MRS2: variants seen among roughly 807,000 people sequenced by gnomAD.
MRS2 encodes the protein magnesium transporter MRS2.
A neutral mutation model predicts 52.6 loss-of-function variants in MRS2; 40 were observed. The observed-to-expected ratio is 0.76, with a 90% CI of 0.59 to 0.99. The LOEUF is 0.99. Among genes scored for constraint, MRS2 ranks in the 50% least tolerant of loss-of-function variants. The probability of loss-of-function intolerance (pLI) is 0.00; values close to 1 mark genes in which losing one functional copy is unlikely to be tolerated. For missense variants in MRS2, 472 were observed against 532.7 expected (o/e 0.89, Z 1.12); for synonymous variants, 193 against 195.9 (o/e 0.98, Z 0.13).
intron 9 of MRS2, among the ~76,000 whole-genome samples, chr6:24,419,769 C>T (rs1761980201): frequency 6.6e-6 from 1 of 152,214 alleles, no homozygotes; most frequent in African/African-American, 2.4e-5. Context: ...TACAGGATCC[C>T]CACAGATACC....
chr6:24,412,355 C>T lies in MRS2; in HGVS notation c.548C>T (p.Pro183Leu). The T allele has an allele frequency of 3.1e-6, 5 of 1,592,476 alleles. No homozygotes were observed. Among genetic ancestry groups the T allele is most frequent in the Non-Finnish European group, 4.3e-6 (5 of 1,171,152 alleles). The change falls in exon 5 of 11, where the codon CCT (proline) becomes CTT (leucine). Residue 183 changes from proline (P) to leucine (L), a missense_variant. Physicochemically the swap from Pro to Leu is moderately conservative, Grantham distance 98. Transcript: ENST00000378386. The part of the protein sequence containing the change: ...GEGQLVTYPL[P>L]FEFRAIEALL... ...GGTCAACTCGTTACATACCCTTTACCTTTTGAGTTTAGAGCTATAGAAGCA... is the reference window on the plus strand; with the variant it reads ...GGTCAACTCGTTACATACCCTTTACTTTTTGAGTTTAGAGCTATAGAAGCA...
At position 24,416,381 on chromosome 6, in the gene MRS2, T is replaced by C; in HGVS notation, c.720-16T>C. On this transcript the variant is annotated splice_polypyrimidine_tract_variant and intron_variant, in intron 6 of 10. Transcript: ENST00000378386. The stretch of plus-strand genomic sequence containing the variant: ...GTTTATTCTATTGATCATTTTTGTG[T>C]ATCTATTTCTTATAGTCTATCAGAG... 1 of 976,940 alleles carries C rather than the reference T, an allele frequency of 1.0e-6. No individual in the cohort carries two copies. Among genetic ancestry groups the C allele is most frequent in the Non-Finnish European group, 1.6e-6 (1 of 615,870 alleles). 60.5% of individuals were successfully genotyped at this position (976,940 alleles called of 1,614,324 possible).
rs1581700693 is a variant in MRS2, at chr6:24,412,249, T to G, written c.442T>G (p.Cys148Gly). 6.3e-7 allele frequency: 1 copy of G among 1,584,636 alleles called. No individual in the cohort carries two copies. Among genetic ancestry groups the G allele is most frequent in the Non-Finnish European group, 8.5e-7 (1 of 1,169,852 alleles). The change falls in exon 5 of 11, where the codon TGT becomes GGT. Residue 148 changes from cysteine (C) to glycine (G), a missense_variant. By Grantham distance (159) the Cys-to-Gly change is radical (BLOSUM62 -3). Transcript: ENST00000378386. ...TTTGAAAGCTGTGATAACTCCAGAG[T>G]GTCTTCTGATATTAGATTATCGTAA... ...EYLKAVITPE[C>G]LLILDYRNLN...
chr6:24,406,268 T>G (rs1175288967), intron 2 of MRS2, among the ~76,000 whole-genome samples: 1 of 152,194 alleles, frequency 6.6e-6, no homozygotes, highest in African/African-American at 2.4e-5. Flanking sequence ...ATAGAATTGT[T>G]ATGAGGATTA....
intron 2 of MRS2, among the ~76,000 whole-genome samples, chr6:24,407,208 A>G (rs1175765181): frequency 6.6e-6 from 1 of 151,992 alleles, no homozygotes; most frequent in African/African-American, 2.4e-5. Flanking sequence ...TTTATTTTCA[A>G]ATTTTCTGCA....
chr6:24,403,320 G>A, intron 1 of MRS2, 84 bp downstream of exon 1: 1 of 1,340,124 alleles, frequency 7.5e-7, no homozygotes. Flanking sequence ...GGCGCGGCGC[G>A]CCTGTTGCTC....
chr6:24,416,514 G>GT lies in MRS2; in HGVS notation c.836+2dup, dbSNP rs762861414. ...CAAAATGGAGTGACCCACAAGTCTT[G>GT]TAAGTATATAATTATACTTTGTTAT... On this transcript the variant is annotated splice_donor_variant, in intron 7 of 10. Coordinates refer to ENST00000378386, the MANE Select transcript of MRS2 (RefSeq NM_020662.4). LOFTEE classifies it high-confidence loss of function. 12 of 1,383,562 alleles carry GT rather than the reference G, an allele frequency of 8.7e-6. No individual in the cohort carries two copies. The Admixed American group carries it at 2.0e-4, about 23-fold the overall frequency. The allele number at this position is 1,383,562 out of a possible 1,614,324, so 85.7% of individuals were successfully genotyped here.
At position 24,418,706 on chromosome 6, in the gene MRS2, C is replaced by G. The variant is rs550544668; in HGVS notation, c.1107+128C>G. 2.2e-3 allele frequency: 1,515 copies of G among 689,088 alleles called. 34 individuals carry two copies. In the South Asian group the frequency reaches 0.024, roughly 11 times the overall value. 42.7% of individuals were successfully genotyped at this position (689,088 alleles called of 1,614,324 possible). On this transcript the variant is annotated intron_variant, in intron 9 of 10. Coordinates refer to ENST00000378386, the MANE Select transcript of MRS2 (RefSeq NM_020662.4). ...CTGAGGTCAGGAGTTTGAGACCAAC[C>G]TGGCCAACATGGCGAAACCCTGTCT...
At chr6:24,407,856 C>T (rs2127283624) in intron 2 of MRS2, among the ~76,000 whole-genome samples, 3 of 152,238 alleles carry the variant, frequency 2.0e-5, no homozygotes, top group Admixed American at 2.0e-4. Context: ...AGTGATCGCT[C>T]AGTGACAAGG....
rs751550850 is a variant in MRS2, at chr6:24,423,610, T to C, written c.1248T>C (p.Leu416=). 1.9e-6 allele frequency: 3 copies of C among 1,609,826 alleles called. No homozygotes were observed. In the Admixed American group the frequency reaches 5.0e-5, roughly 27 times the overall value. The change falls in exon 11 of 11, where the codon CTT becomes CTC. Residue 416 remains leucine, a synonymous_variant. Coordinates refer to ENST00000378386, the MANE Select transcript of MRS2 (RefSeq NM_020662.4). The stretch of plus-strand genomic sequence containing the variant: ...TGGCTTCTTTACCTAAAAAGACTCT[T>C]CTGGCAGATAGAAGCATGGAATTGA... The part of the protein sequence containing the change: ...PMMASLPKKT[L]LADRSMELKN...
At chr6:24,421,049 C>G (rs1476769363) in intron 9 of MRS2, among the ~76,000 whole-genome samples, 4 of 152,180 alleles carry the variant, frequency 2.6e-5, no homozygotes, top group African/African-American at 9.7e-5. Context: ...AAAGATACAT[C>G]CAAAGACCTT....
chr6:24,406,151 A>C (rs867223311), intron 2 of MRS2, among the ~76,000 whole-genome samples: 1 of 151,766 alleles, frequency 6.6e-6, no homozygotes, highest in South Asian at 2.1e-4. Context: ...AGACTTCCTA[A>C]ATTCCAATCT....
intron 3 of MRS2, among the ~76,000 whole-genome samples, chr6:24,409,062 C>G (rs774196724): frequency 1.3e-5 from 2 of 152,140 alleles, no homozygotes; most frequent in Non-Finnish European, 2.9e-5. Context: ...CAAAGAAAAT[C>G]AAGCTTATCT....
intron 7 of MRS2, 102 bp from the exon 8 acceptor site, chr6:24,417,982 C>A: frequency 1.1e-6 from 1 of 878,202 alleles, no homozygotes; most frequent in Admixed American, 2.8e-5. Flanking sequence ...CTAGCTTTTC[C>A]ACTGGTAGCT....
In MRS2 at chr6:24,423,887, G is replaced by C. The variant is rs1762140321; in HGVS notation, c.*193G>C. ...TCTGAGTTAAAGAAACAAAGTATTT[G>C]CTTTGTAAAAGGCCAAAATTCTATT... On this transcript the variant is annotated 3_prime_UTR_variant, in exon 11 of 11. Transcript: ENST00000378386. 3.0e-6 allele frequency: 1 copy of C among 335,006 alleles called. No homozygotes were observed. The highest frequency in any genetic ancestry group is 4.4e-5 in the Admixed American group (1 of 22,942). The allele number at this position is 335,006 out of a possible 1,614,324, so 20.8% of individuals were successfully genotyped here.
intron 1 of MRS2, among the ~76,000 whole-genome samples, chr6:24,404,209 A>G (rs1359462615): frequency 6.6e-6 from 1 of 152,124 alleles, no homozygotes; most frequent in African/African-American, 2.4e-5. Context: ...CTCAATTGAT[A>G]ATGCTTGGGA....
At chr6:24,412,476 T>C (rs998911430) in intron 5 of MRS2, 81 bp downstream of exon 5, 1 of 1,162,896 alleles carries the variant, frequency 8.6e-7, no homozygotes, top group East Asian at 2.5e-5. Context: ...TGGGGTATTG[T>C]TTCAATGGCA....
chr6:24,411,729 G>A (rs1761660713), intron 4 of MRS2, among the ~76,000 whole-genome samples: 1 of 152,026 alleles, frequency 6.6e-6, no homozygotes, highest in Admixed American at 6.6e-5. Flanking sequence ...AGTAGAGACG[G>A]GGTTTCACCA....
chr6:24,410,486 TGATGGCA>T (rs943151679), intron 4 of MRS2, among the ~76,000 whole-genome samples: 27 of 152,226 alleles, frequency 1.8e-4, no homozygotes, highest in African/African-American at 5.8e-4. Context: ...AAAGAGTCTT[TGATGGCA>T]GATTTTTGTT....
Sources: gnomAD v4.1 joint callset for allele counts (sites outside exome capture counted in the v4.1 genomes callset) on GRCh38, gnomAD v4.1.1 for gene constraint, MANE v1.5 for transcripts, NCBI Gene and HGNC (gene_info 2026-07-23, HGNC 2026-07-21) for gene names.